The following KIAA0825 variants were observed in gnomAD, a reference collection of about 807,000 sequenced individuals.
KIAA0825 encodes uncharacterized protein KIAA0825.
In KIAA0825, 119 loss-of-function variants were observed where a neutral mutation model predicts 147.6. That is an observed-to-expected ratio of 0.81 (90% CI 0.69 to 0.94). The LOEUF (loss-of-function observed/expected upper bound fraction) is 0.94, where lower values mean the gene tolerates loss of function less well. Ranked by LOEUF, KIAA0825 falls within the 40% of genes least tolerant of loss-of-function variation. The pLI, the probability that KIAA0825 is intolerant of heterozygous loss-of-function variation, is 0.00. For missense variants in KIAA0825, 1,381 were observed against 1,472.7 expected, an observed-to-expected ratio of 0.94 and a Z score of 1.02; for synonymous variants, 470 against 518.1, an observed-to-expected ratio of 0.91 and a Z score of 1.26.
chr5:94,182,172 C>A (rs1769685353), intron 20 of KIAA0825, among the ~76,000 whole-genome samples: 1 of 150,216 alleles, frequency 6.7e-6, no homozygotes, highest in Non-Finnish European at 1.5e-5. Flanking sequence ...CTTCACCCTT[C>A]AGCTGTTCAT....
intron 20 of KIAA0825, among the ~76,000 whole-genome samples, chr5:94,281,577 A>G (rs1003008949): frequency 1.3e-5 from 2 of 151,996 alleles, no homozygotes; most frequent in South Asian, 4.1e-4. Flanking sequence ...GGGTTTCTCA[A>G]CCTCAGCACT....
chr5:94,298,837 A>G (rs1425443070), intron 20 of KIAA0825, among the ~76,000 whole-genome samples: 2 of 152,154 alleles, frequency 1.3e-5, no homozygotes, highest in Admixed American at 1.3e-4. Flanking sequence ...GAGCAGCTGG[A>G]GAATCAGTTG....
At chr5:94,274,155 T>A (rs930966540) in intron 20 of KIAA0825, among the ~76,000 whole-genome samples, 1 of 152,152 alleles carries the variant, frequency 6.6e-6, no homozygotes, top group Admixed American at 6.6e-5. Context: ...GAAGAATGTC[T>A]AGGTGGTAAG....
At chr5:94,162,338 T>G (rs1305363609) in intron 20 of KIAA0825, among the ~76,000 whole-genome samples, 1 of 152,168 alleles carries the variant, frequency 6.6e-6, no homozygotes, top group Non-Finnish European at 1.5e-5. Context: ...CTCACTCTGT[T>G]GCCCAGGCTG....
intron 20 of KIAA0825, among the ~76,000 whole-genome samples, chr5:94,275,239 T>C (rs1214244136): frequency 6.6e-6 from 1 of 152,156 alleles, no homozygotes; most frequent in East Asian, 1.9e-4. Flanking sequence ...AAAGAACTTC[T>C]GTGTACTTCG....
chr5:94,242,828 G>T (rs1775419533), intron 20 of KIAA0825, among the ~76,000 whole-genome samples: 2 of 152,022 alleles, frequency 1.3e-5, no homozygotes, highest in Non-Finnish European at 2.9e-5. Context: ...GTTTTGCTAT[G>T]TTGTCTGGTC....
At chr5:94,492,163 A>G (rs1675808470) in intron 5 of KIAA0825, among the ~76,000 whole-genome samples, 1 of 152,166 alleles carries the variant, frequency 6.6e-6, no homozygotes, top group African/African-American at 2.4e-5. Context: ...TCATATGTTT[A>G]TTTATACCAT....
intron 20 of KIAA0825, among the ~76,000 whole-genome samples, chr5:94,369,454 A>G (rs1746352059): frequency 6.6e-6 from 1 of 152,172 alleles, no homozygotes; most frequent in Admixed American, 6.5e-5. Context: ...TTTGATTTCA[A>G]TACCTGAGAT....
intron 4 of KIAA0825, among the ~76,000 whole-genome samples, chr5:94,522,287 T>C (rs1768362542): frequency 6.6e-6 from 1 of 151,656 alleles, no homozygotes; most frequent in Admixed American, 6.6e-5. Context: ...ATGACCTCTG[T>C]GTAGCTTCTT....
intron 20 of KIAA0825, among the ~76,000 whole-genome samples, chr5:94,249,042 T>A (rs1361939943): frequency 1.3e-5 from 2 of 151,564 alleles, no homozygotes; most frequent in South Asian, 4.2e-4. Context: ...ATATCTTATA[T>A]TTTTTTTTCC....
At chr5:94,556,138 C>G (rs373663029) in intron 2 of KIAA0825, among the ~76,000 whole-genome samples, 1 of 151,896 alleles carries the variant, frequency 6.6e-6, no homozygotes, top group African/African-American at 2.4e-5. Flanking sequence ...CTGTAACCTC[C>G]GCCTCCTGGA....
chr5:94,377,727 G>A (rs1244329120), intron 20 of KIAA0825, among the ~76,000 whole-genome samples: 1 of 152,100 alleles, frequency 6.6e-6, no homozygotes, highest in African/African-American at 2.4e-5. Flanking sequence ...TTTCACAATA[G>A]CAAACTTTCT....
intron 20 of KIAA0825, among the ~76,000 whole-genome samples, chr5:94,254,198 A>G (rs1776119956): frequency 2.6e-5 from 4 of 152,154 alleles, no homozygotes; most frequent in South Asian, 4.1e-4. Context: ...TACTCAAACT[A>G]ATTTTTATGG....
chr5:94,423,325 CTTT>C (rs1303599942), intron 14 of KIAA0825, among the ~76,000 whole-genome samples: 1 of 152,146 alleles, frequency 6.6e-6, no homozygotes, highest in Non-Finnish European at 1.5e-5. Flanking sequence ...CATTTGCCTT[CTTT>C]ATCAAATGTT....
chr5:94,242,381 C>T (rs1775390864), intron 20 of KIAA0825, among the ~76,000 whole-genome samples: 1 of 152,174 alleles, frequency 6.6e-6, no homozygotes, highest in Non-Finnish European at 1.5e-5. Context: ...CATGCATGCA[C>T]CAGCTCACTT....
At chr5:94,250,611 A>G (rs112749561) in intron 20 of KIAA0825, among the ~76,000 whole-genome samples, 2,369 of 152,250 alleles carry the variant, frequency 0.016, 55 homozygotes, top group African/African-American at 0.055. Flanking sequence ...GCCTCCTGCA[A>G]CATACTAATT....
At chr5:94,311,187 G>A (rs1779138405) in intron 20 of KIAA0825, among the ~76,000 whole-genome samples, 2 of 151,094 alleles carry the variant, frequency 1.3e-5, no homozygotes, top group Non-Finnish European at 3.0e-5. Flanking sequence ...AGATTAAAAT[G>A]GGTTTGTCAG....
chr5:94,585,641 A>G (rs1449068913), intron 1 of KIAA0825, among the ~76,000 whole-genome samples: 2 of 152,166 alleles, frequency 1.3e-5, no homozygotes, highest in African/African-American at 2.4e-5. Flanking sequence ...CGAGATGGAA[A>G]ATTAACAAGG....
intron 13 of KIAA0825, among the ~76,000 whole-genome samples, chr5:94,449,572 GA>G (rs982748059): frequency 6.6e-6 from 1 of 152,130 alleles, no homozygotes; most frequent in African/African-American, 2.4e-5. Context: ...AAGGACAAGG[GA>G]AGAAGGGAAA....
Sources: allele counts gnomAD v4.1 joint callset (sites outside exome capture counted in the v4.1 genomes callset), GRCh38; gene constraint gnomAD v4.1.1; transcripts MANE v1.5; gene names NCBI Gene and HGNC (gene_info 2026-07-23, HGNC 2026-07-21).